The following GABRA2 variants were observed in gnomAD, a reference collection of about 807,000 sequenced individuals.
The protein encoded by GABRA2 is gamma-aminobutyric acid receptor subunit alpha-2.
In GABRA2, 16 loss-of-function variants were observed where a neutral mutation model predicts 48.7. The ratio of observed to expected loss-of-function variants is 0.33; its 90% CI spans 0.22 to 0.50. GABRA2 has a LOEUF of 0.50. GABRA2 is among the 20% of genes least tolerant of loss of function. GABRA2 has a pLI of 0.98. For synonymous variants in GABRA2, 185 were observed against 184.5 expected (o/e 1.00, Z -0.02); for missense variants, 275 against 535.6 (o/e 0.51, Z 4.80).
intron 4 of GABRA2, among the ~76,000 whole-genome samples, chr4:46,318,676 G>C (rs116281448): frequency 2.9e-3 from 445 of 151,614 alleles, no homozygotes; most frequent in African/African-American, 0.01. Flanking sequence ...AAACTTAAAG[G>C]CTTAGATCCA....
chr4:46,324,606 C>T (rs1730018184), intron 4 of GABRA2, among the ~76,000 whole-genome samples: 1 of 151,304 alleles, frequency 6.6e-6, no homozygotes, highest in Admixed American at 6.6e-5. Flanking sequence ...CAGAGAGTAC[C>T]TGTGCAGGTT....
chr4:46,323,804 C>A (rs1313693035), intron 4 of GABRA2, among the ~76,000 whole-genome samples: 2 of 150,512 alleles, frequency 1.3e-5, no homozygotes, highest in South Asian at 2.1e-4. Flanking sequence ...CTTGGAGTAA[C>A]CTAGAAAGAA....
chr4:46,374,811 C>G (rs576076193), intron 3 of GABRA2, among the ~76,000 whole-genome samples: 1 of 150,854 alleles, frequency 6.6e-6, no homozygotes, highest in Non-Finnish European at 1.5e-5. Flanking sequence ...ATCATATTCT[C>G]TAAGAATACT....
chr4:46,284,970 G>T (rs1264909504), intron 8 of GABRA2, among the ~76,000 whole-genome samples: 1 of 147,162 alleles, frequency 6.8e-6, no homozygotes, highest in Non-Finnish European at 1.5e-5. Context: ...TTTAAAGAAG[G>T]TAGAAACTTT....
intron 9 of GABRA2, among the ~76,000 whole-genome samples, chr4:46,251,310 CT>C (rs1714704256): frequency 6.6e-6 from 1 of 151,588 alleles, no homozygotes; most frequent in East Asian, 2.0e-4. Flanking sequence ...CCACAGGGAT[CT>C]TTTTTAAGAC....
intron 3 of GABRA2, chr4:46,367,900 C>T (rs973294172): frequency 2.0e-5 from 3 of 152,134 alleles, no homozygotes; most frequent in African/African-American, 2.4e-5. Flanking sequence ...TAGGGTTGCA[C>T]TTCCCTGCCA....
At chr4:46,348,484 AT>A (rs1337372655) in intron 3 of GABRA2, among the ~76,000 whole-genome samples, 1 of 152,066 alleles carries the variant, frequency 6.6e-6, no homozygotes, top group Non-Finnish European at 1.5e-5. Context: ...ACATATGTTT[AT>A]TGTGGCACTA....
At chr4:46,302,538 C>G (rs149501977) in intron 8 of GABRA2, 3 of 152,258 alleles carry the variant, frequency 2.0e-5, no homozygotes, top group African/African-American at 7.2e-5. Context: ...TCCTCCCTCC[C>G]TTTCTACCTG....
intron 9 of GABRA2, 133 bp from the exon 10 acceptor site, chr4:46,250,737 G>A: frequency 1.6e-6 from 1 of 639,318 alleles, no homozygotes; most frequent in East Asian, 2.8e-5. Context: ...CAGAAATTAG[G>A]AAAATAAATA....
chr4:46,274,153 C>A (rs183140585), intron 8 of GABRA2, among the ~76,000 whole-genome samples: 2 of 152,096 alleles, frequency 1.3e-5, no homozygotes, highest in East Asian at 3.9e-4. Flanking sequence ...ATTTGTGTAG[C>A]TCATATAACA....
intron 3 of GABRA2, among the ~76,000 whole-genome samples, chr4:46,350,766 T>C (rs1292872665): frequency 6.6e-6 from 1 of 151,948 alleles, no homozygotes; most frequent in Non-Finnish European, 1.5e-5. Flanking sequence ...GTGCCTATTA[T>C]ACTATTTAAT....
At chr4:46,269,250 A>T (rs1390647038) in intron 8 of GABRA2, among the ~76,000 whole-genome samples, 2 of 151,876 alleles carry the variant, frequency 1.3e-5, no homozygotes, top group Non-Finnish European at 2.9e-5. Context: ...TAATTAGCTG[A>T]CTTTAATCTT....
intron 4 of GABRA2, among the ~76,000 whole-genome samples, chr4:46,325,443 C>T (rs1245818053): frequency 2.0e-5 from 3 of 151,580 alleles, no homozygotes; most frequent in South Asian, 4.1e-4. Flanking sequence ...TTGTTTTTCA[C>T]TTATGAAGTA....
intron 3 of GABRA2, among the ~76,000 whole-genome samples, chr4:46,335,407 G>A (rs1732049344): frequency 6.6e-6 from 1 of 152,094 alleles, no homozygotes; most frequent in Non-Finnish European, 1.5e-5. Context: ...TTACAGTCTG[G>A]TGGCAACCTG....
At chr4:46,388,905 C>A (rs931060798) in intron 1 of GABRA2, 189 bp from the exon 2 acceptor site, 1 of 1,340,954 alleles carries the variant, frequency 7.5e-7, no homozygotes, top group Non-Finnish European at 9.6e-7. Context: ...CCACCCCCAC[C>A]CTTTTCCTTT....
At chr4:46,263,080 T>C (rs1188798245) in intron 8 of GABRA2, among the ~76,000 whole-genome samples, 1 of 151,764 alleles carries the variant, frequency 6.6e-6, no homozygotes, top group Admixed American at 6.6e-5. Flanking sequence ...CACGTACATA[T>C]ATACATATAC....
intron 3 of GABRA2, among the ~76,000 whole-genome samples, chr4:46,347,254 T>C (rs963124233): frequency 1.3e-5 from 2 of 151,908 alleles, no homozygotes; most frequent in Non-Finnish European, 2.9e-5. Context: ...TTAAAACTTG[T>C]ATAAAATGAC....
At chr4:46,294,915 G>A (rs917606830) in intron 8 of GABRA2, among the ~76,000 whole-genome samples, 13 of 152,160 alleles carry the variant, frequency 8.5e-5, no homozygotes, top group Admixed American at 8.5e-4. Context: ...ATCATCAAAT[G>A]GAAGTGATAT....
At chr4:46,372,587 C>A (rs1412762985) in intron 3 of GABRA2, among the ~76,000 whole-genome samples, 1 of 152,082 alleles carries the variant, frequency 6.6e-6, no homozygotes, top group African/African-American at 2.4e-5. Flanking sequence ...GAAAAATTAA[C>A]CCCCATTGAA....
Sources: allele counts gnomAD v4.1 joint callset (sites outside exome capture counted in the v4.1 genomes callset), GRCh38; gene constraint gnomAD v4.1.1; transcripts MANE v1.5; gene names NCBI Gene and HGNC (gene_info 2026-07-23, HGNC 2026-07-21).